The following PDE1A variants were observed in gnomAD, a reference collection of about 807,000 sequenced individuals.
PDE1A encodes phosphodiesterase 1A.
In PDE1A, 35 loss-of-function variants were observed where a neutral mutation model predicts 61.7. The observed-to-expected ratio is 0.57, with a 90% confidence interval of 0.43 to 0.75. The LOEUF is 0.75. Among genes scored for constraint, PDE1A ranks in the 30% least tolerant of loss-of-function variants. The pLI is 0.00. For missense variants in PDE1A, 597 were observed against 630.6 expected (o/e 0.95, Z 0.57); for synonymous variants, 232 against 213.2 (o/e 1.09, Z -0.77).
intron 1 of PDE1A, among the ~76,000 whole-genome samples, chr2:182,275,651 G>T (rs1344070972): frequency 2.0e-5 from 3 of 151,968 alleles, no homozygotes; most frequent in Admixed American, 2.0e-4. Context: ...GTTTAGCAAG[G>T]CTGTTTAGTT....
At chr2:182,155,210 C>T (rs1337454384) in intron 13 of PDE1A, among the ~76,000 whole-genome samples, 1 of 151,490 alleles carries the variant, frequency 6.6e-6, no homozygotes, top group Non-Finnish European at 1.5e-5. Context: ...ACTTCAGACT[C>T]CCAAGTAGCT....
intron 1 of PDE1A, among the ~76,000 whole-genome samples, chr2:182,407,818 C>T (rs931351845): frequency 2.8e-4 from 42 of 152,074 alleles, no homozygotes; most frequent in Non-Finnish European, 1.6e-4. Context: ...TAATTGGAAA[C>T]GCCCTGAAAG....
downstream of PDE1A, among the ~76,000 whole-genome samples, chr2:182,166,540 G>GTTAA (rs1559127892): frequency 6.6e-6 from 1 of 152,176 alleles, no homozygotes; most frequent in Non-Finnish European, 1.5e-5. Context: ...GGGCTCCACT[G>GTTAA]TTAACTTTCC....
At chr2:182,528,960 C>G in the PDE1A span, among the ~76,000 whole-genome samples, 1 of 152,186 alleles carries the variant, frequency 6.6e-6, no homozygotes, top group African/African-American at 2.4e-5. Flanking sequence ...AAGTTTGCTG[C>G]TGGGGTGGGG....
chr2:182,629,164 T>C, the PDE1A span, among the ~76,000 whole-genome samples: 76,435 of 151,922 alleles, frequency 0.5, 20,078 homozygotes, highest in Admixed American at 0.64. Flanking sequence ...CCAACAATAA[T>C]GCAAGCTTGG....
At chr2:182,648,523 A>AAAAAAAAAAAAAAAAT in the PDE1A span, among the ~76,000 whole-genome samples, 1 of 150,224 alleles carries the variant, frequency 6.7e-6, no homozygotes. Context: ...AAAAAAAAAA[A>AAAAAAAAAAAAAAAAT]AAAAAAAAAA....
chr2:182,609,690 C>T, the PDE1A span, among the ~76,000 whole-genome samples: 10 of 152,222 alleles, frequency 6.6e-5, no homozygotes, highest in Non-Finnish European at 1.0e-4. Context: ...TAACACTCAC[C>T]GCGAGGGTTC....
At chr2:182,531,965 T>C in the PDE1A span, among the ~76,000 whole-genome samples, 2 of 152,182 alleles carry the variant, frequency 1.3e-5, no homozygotes, top group East Asian at 3.9e-4. Flanking sequence ...TTTTCTGTTC[T>C]TGTGACAGTT....
At chr2:182,244,363 T>TTTC (rs1690791465) in intron 2 of PDE1A, among the ~76,000 whole-genome samples, 1 of 74,978 alleles carries the variant, frequency 1.3e-5, no homozygotes, top group Non-Finnish European at 2.6e-5. Flanking sequence ...CCTTTTTCTT[T>TTTC]TTTTAAAAAA....
At chr2:182,258,432 A>G (rs1403573277) in intron 2 of PDE1A, among the ~76,000 whole-genome samples, 1 of 152,212 alleles carries the variant, frequency 6.6e-6, no homozygotes, top group Admixed American at 6.5e-5. Flanking sequence ...TGGTGAAATA[A>G]GTAAACATTC....
intron 2 of PDE1A, among the ~76,000 whole-genome samples, chr2:182,450,920 A>G (rs1333262905): frequency 6.6e-6 from 1 of 152,142 alleles, no homozygotes; most frequent in Non-Finnish European, 1.5e-5. Flanking sequence ...TACGTGAATC[A>G]CCATATACAA....
At chr2:182,706,624 T>C in the PDE1A span, among the ~76,000 whole-genome samples, 2 of 152,072 alleles carry the variant, frequency 1.3e-5, no homozygotes, top group African/African-American at 2.4e-5. Flanking sequence ...TGTTCTTTCT[T>C]TGTTTTCATA....
the PDE1A span, among the ~76,000 whole-genome samples, chr2:182,648,702 T>TAAAA: frequency 5.7e-5 from 7 of 122,916 alleles, no homozygotes; most frequent in African/African-American, 2.1e-4. Flanking sequence ...CCTGTCTCTT[T>TAAAA]AAAAAAAAAA....
the PDE1A span, among the ~76,000 whole-genome samples, chr2:182,631,779 TG>T: frequency 6.6e-6 from 1 of 152,258 alleles, no homozygotes; most frequent in Non-Finnish European, 1.5e-5. Context: ...GGTTTTCACA[TG>T]GAAGTATTCC....
intron 2 of PDE1A, among the ~76,000 whole-genome samples, chr2:182,499,119 C>T (rs1469073933): frequency 6.7e-6 from 1 of 148,706 alleles, no homozygotes; most frequent in Non-Finnish European, 1.5e-5. Flanking sequence ...TTCCAAGTAG[C>T]TGGGATTGCA....
the PDE1A span, among the ~76,000 whole-genome samples, chr2:182,679,613 T>A: frequency 1.3e-5 from 2 of 151,990 alleles, no homozygotes; most frequent in African/African-American, 4.8e-5. Context: ...TAAAACTTTT[T>A]AAAAAAGGAA....
chr2:182,312,180 A>G (rs1002617361), intron 1 of PDE1A, among the ~76,000 whole-genome samples: 1 of 151,882 alleles, frequency 6.6e-6, no homozygotes, highest in African/African-American at 2.4e-5. Flanking sequence ...AGTTCTTTAT[A>G]TATTCTTGAT....
rs1460786874 is a variant in PDE1A, at chr2:182,449,087, A to AC, written c.101+73188_101+73189insG. Among the ~76,000 whole-genome samples, 1,385 of 140,956 alleles carry AC rather than the reference A, an allele frequency of 9.8e-3. 20 individuals carry two copies. Among genetic ancestry groups the AC allele is most frequent in the South Asian group, 0.027 (121 of 4,528 alleles). 92.5% of individuals were successfully genotyped at this position (140,956 alleles called of 152,430 possible). A position where few individuals can be genotyped will look rare whatever the true frequency, so the allele number is the denominator to read the frequency against. On this transcript the variant is annotated intron_variant, in intron 2 of 14. Transcript: ENST00000410103. ...ACACACACACACACACACACACACA[A>AC]ACAAAACCCAGGAAATCCTTCTAAA...
At chr2:182,513,616 C>T (rs1026444270) in intron 2 of PDE1A, among the ~76,000 whole-genome samples, 1 of 152,176 alleles carries the variant, frequency 6.6e-6, no homozygotes, top group African/African-American at 2.4e-5. Flanking sequence ...TGGACGTAAA[C>T]AGGCTAAACG....
Sources: gnomAD v4.1 joint callset for allele counts (sites outside exome capture counted in the v4.1 genomes callset) on GRCh38, gnomAD v4.1.1 for gene constraint, MANE v1.5 for transcripts, NCBI Gene and HGNC (gene_info 2026-07-23, HGNC 2026-07-21) for gene names.